Variants in OSBPL10 observed in about 807,000 individuals in gnomAD.
The protein encoded by OSBPL10 is oxysterol binding protein like 10.
Under a neutral mutation model 81.7 loss-of-function variants are expected in OSBPL10, and 49 were observed. The observed-to-expected ratio is 0.60, with a 90% CI of 0.48 to 0.76. OSBPL10 has a LOEUF of 0.76. Among genes scored for constraint, OSBPL10 ranks in the 30% least tolerant of loss-of-function variants. The pLI is 0.00. For synonymous variants in OSBPL10, 419 were observed against 383.6 expected (o/e 1.09, Z -1.08); for missense variants, 923 against 987.8 (o/e 0.93, Z 0.88).
chr3:31,846,989 A>G (rs1700650294), intron 3 of OSBPL10, among the ~76,000 whole-genome samples: 1 of 152,026 alleles, frequency 6.6e-6, no homozygotes, highest in Admixed American at 6.6e-5. Context: ...TGTGTCTTCA[A>G]TTGTCACCTC....
chr3:31,890,278 A>ATTTTGTC (rs770239894), intron 1 of OSBPL10, among the ~76,000 whole-genome samples: 2 of 151,648 alleles, frequency 1.3e-5, no homozygotes, highest in Non-Finnish European at 2.9e-5. Flanking sequence ...TTATTTAAGC[A>ATTTTGTC]TTAGCCAACC....
chr3:32,039,020 C>A (rs376533504), intron 2 of OSBPL10, among the ~76,000 whole-genome samples: 62 of 152,014 alleles, frequency 4.1e-4, no homozygotes, highest in African/African-American at 1.4e-3. Context: ...AACTTAGGAG[C>A]TATTAAAAAG....
At chr3:32,055,970 A>G (rs1349250935) in intron 1 of OSBPL10, among the ~76,000 whole-genome samples, 1 of 152,232 alleles carries the variant, frequency 6.6e-6, no homozygotes, top group Non-Finnish European at 1.5e-5. Context: ...GAGATTCCTT[A>G]TGAAACAAAG....
chr3:31,751,851 C>A (rs1362082921), intron 4 of OSBPL10, among the ~76,000 whole-genome samples: 1 of 152,124 alleles, frequency 6.6e-6, no homozygotes, highest in East Asian at 1.9e-4. Flanking sequence ...TCATCAGAAT[C>A]CAAAAGAAGT....
At chr3:31,671,307 A>C (rs942653168) in intron 8 of OSBPL10, among the ~76,000 whole-genome samples, 1 of 152,196 alleles carries the variant, frequency 6.6e-6, no homozygotes, top group East Asian at 1.9e-4. Flanking sequence ...CCAACAGGAG[A>C]GACTGACCTG....
intron 7 of OSBPL10, among the ~76,000 whole-genome samples, chr3:31,686,812 A>C (rs1249225250): frequency 6.6e-6 from 1 of 152,126 alleles, no homozygotes. Context: ...ATCATTCAGC[A>C]ACCATCACTG....
Position 31,848,182 on chromosome 3 carries a change from T to A in OSBPL10, c.538-17951A>T, listed in dbSNP as rs571055096. Among the ~76,000 whole-genome samples the A allele has an allele frequency of 2.0e-5, 3 of 152,140 alleles. No homozygotes were observed. In the South Asian group the frequency reaches 6.2e-4, roughly 32 times the overall value. On this transcript the variant is annotated intron_variant, in intron 3 of 11. Coordinates refer to ENST00000396556, the MANE Select transcript of OSBPL10 (RefSeq NM_017784.5). ...TGTTCCTTTGGTTCTGGGCATGGTGTGATAGGATTCTATATACTCCGGCAC... is the reference window on the plus strand; with the variant it reads ...TGTTCCTTTGGTTCTGGGCATGGTGAGATAGGATTCTATATACTCCGGCAC...
At chr3:31,910,515 A>C (rs1188310463) in intron 1 of OSBPL10, among the ~76,000 whole-genome samples, 1 of 152,048 alleles carries the variant, frequency 6.6e-6, no homozygotes, top group Non-Finnish European at 1.5e-5. Context: ...ACGCGCCTGT[A>C]ATCCCAGCTA....
intron 2 of OSBPL10, among the ~76,000 whole-genome samples, chr3:32,034,900 A>C (rs191050418): frequency 1.3e-5 from 2 of 152,272 alleles, no homozygotes; most frequent in African/African-American, 2.4e-5. Flanking sequence ...ATAAATATCA[A>C]GTATACAGCT....
At chr3:31,719,516 T>C (rs902342430) in intron 6 of OSBPL10, among the ~76,000 whole-genome samples, 2 of 152,164 alleles carry the variant, frequency 1.3e-5, no homozygotes, top group Non-Finnish European at 2.9e-5. Flanking sequence ...AAAAACAAGA[T>C]ACCATTAATC....
At chr3:32,008,196 C>T (rs1363036932) in intron 2 of OSBPL10, among the ~76,000 whole-genome samples, 12 of 139,648 alleles carry the variant, frequency 8.6e-5, no homozygotes, top group Non-Finnish European at 1.8e-4. Flanking sequence ...TTTTTTGAGA[C>T]AAGTCTCGCC....
chr3:31,968,296 T>C (rs1472428507), intron 1 of OSBPL10, among the ~76,000 whole-genome samples: 3 of 152,064 alleles, frequency 2.0e-5, no homozygotes, highest in Non-Finnish European at 2.9e-5. Context: ...ATGCAGTTGT[T>C]ACACAAAAGA....
At chr3:31,941,399 C>G (rs1048161805) in intron 1 of OSBPL10, among the ~76,000 whole-genome samples, 3 of 152,144 alleles carry the variant, frequency 2.0e-5, no homozygotes, top group Non-Finnish European at 2.9e-5. Flanking sequence ...TTGATGGATA[C>G]GAAAGTGGTC....
chr3:31,989,848 C>A, intron 2 of OSBPL10: 1 of 1,614,052 alleles, frequency 6.2e-7, no homozygotes, highest in Non-Finnish European at 8.5e-7. Flanking sequence ...AGGAGGGAAA[C>A]AATATAAATG....
chr3:31,788,586 T>C (rs1698920152), intron 4 of OSBPL10, among the ~76,000 whole-genome samples: 1 of 152,134 alleles, frequency 6.6e-6, no homozygotes. Context: ...TTCTCTAACA[T>C]TCAAGGAAGC....
chr3:32,066,452 T>C (rs1432161218), intron 1 of OSBPL10: 1 of 152,234 alleles, frequency 6.6e-6, no homozygotes. Flanking sequence ...CCGATCACCA[T>C]GGTCCCGTTG....
At chr3:32,040,116 G>A (rs933679202) in intron 2 of OSBPL10, among the ~76,000 whole-genome samples, 42 of 152,010 alleles carry the variant, frequency 2.8e-4, no homozygotes, top group African/African-American at 9.9e-4. Flanking sequence ...TCAGAGAATT[G>A]AAAACAGAGG....
intron 6 of OSBPL10, among the ~76,000 whole-genome samples, chr3:31,711,665 C>G (rs924757744): frequency 1.3e-5 from 2 of 152,050 alleles, no homozygotes; most frequent in Non-Finnish European, 2.9e-5. Context: ...AGACAGGCAA[C>G]AAAGATTAGT....
chr3:31,938,596 C>A (rs1016686121), intron 1 of OSBPL10, among the ~76,000 whole-genome samples: 1 of 152,084 alleles, frequency 6.6e-6, no homozygotes, highest in Admixed American at 6.5e-5. Context: ...GCAGCCTTGA[C>A]CTCCTGGACT....
Sources: gnomAD v4.1 joint callset for allele counts (sites outside exome capture counted in the v4.1 genomes callset) on GRCh38, gnomAD v4.1.1 for gene constraint, MANE v1.5 for transcripts, NCBI Gene and HGNC (gene_info 2026-07-23, HGNC 2026-07-21) for gene names.